The following PAPPA2 variants were observed in gnomAD, a reference collection of about 807,000 sequenced individuals.
PAPPA2 encodes pappalysin 2.
In PAPPA2, 86 loss-of-function variants were observed where a neutral mutation model predicts 176.4. That is an observed-to-expected ratio of 0.49 (90% CI 0.41 to 0.58). PAPPA2 has a LOEUF of 0.58. Ranked by LOEUF, PAPPA2 falls within the 20% of genes least tolerant of loss-of-function variation. The pLI, the probability that PAPPA2 is intolerant of heterozygous loss-of-function variation, is 0.00. For synonymous variants in PAPPA2, 809 were observed against 852.2 expected (o/e 0.95, Z 0.88); for missense variants, 2,073 against 2,256.9 (o/e 0.92, Z 1.65).
intron 3 of PAPPA2, among the ~76,000 whole-genome samples, chr1:176,612,294 T>C (rs1223504602): frequency 6.6e-6 from 1 of 152,078 alleles, no homozygotes; most frequent in Non-Finnish European, 1.5e-5. Context: ...CTTGGGTGGC[T>C]GAGGCATGAG....
intron 15 of PAPPA2, among the ~76,000 whole-genome samples, chr1:176,767,581 C>T (rs537236816): frequency 2.4e-4 from 37 of 152,270 alleles, no homozygotes; most frequent in African/African-American, 8.4e-4. Context: ...CTGCTGACCT[C>T]GTGATCCGCC....
chr1:176,527,558 A>G (rs1332567481), intron 1 of PAPPA2, among the ~76,000 whole-genome samples: 2 of 152,162 alleles, frequency 1.3e-5, no homozygotes, highest in African/African-American at 2.4e-5. Context: ...TGCTCACTGC[A>G]TATGTTTTGG....
intron 20 of PAPPA2, among the ~76,000 whole-genome samples, chr1:176,793,962 C>T (rs548300121): frequency 6.6e-5 from 10 of 152,128 alleles, no homozygotes; most frequent in Admixed American, 2.0e-4. Context: ...AGTGTGGTGG[C>T]GGGTGCCTGT....
chr1:176,599,192 T>TGTAC (rs1558463822), intron 3 of PAPPA2, among the ~76,000 whole-genome samples: 3 of 107,932 alleles, frequency 2.8e-5, no homozygotes, highest in Non-Finnish European at 6.5e-5. Context: ...TGTATGTACA[T>TGTAC]ATATATATAT....
intron 21 of PAPPA2, among the ~76,000 whole-genome samples, chr1:176,826,719 C>T (rs1011392256): frequency 2.0e-5 from 3 of 152,190 alleles, no homozygotes; most frequent in African/African-American, 7.2e-5. Flanking sequence ...TTTTTCAGGT[C>T]AACTGGACCT....
At chr1:176,603,897 C>G (rs759225902) in intron 3 of PAPPA2, among the ~76,000 whole-genome samples, 19 of 152,290 alleles carry the variant, frequency 1.2e-4, no homozygotes, top group South Asian at 2.1e-4. Context: ...TTCCTCTCCC[C>G]CTAATTCTCC....
At chr1:176,614,541 T>C (rs1249563208) in intron 3 of PAPPA2, among the ~76,000 whole-genome samples, 1 of 152,234 alleles carries the variant, frequency 6.6e-6, no homozygotes, top group African/African-American at 2.4e-5. Flanking sequence ...CTCAGATATC[T>C]AGAAACTTCA....
intron 1 of PAPPA2, among the ~76,000 whole-genome samples, chr1:176,476,614 T>C (rs189617467): frequency 4.5e-4 from 68 of 152,298 alleles, no homozygotes; most frequent in African/African-American, 1.6e-3. Context: ...TTGCTCTAGA[T>C]TGCCAAAATG....
chr1:176,656,778 C>G (rs1188446188), intron 3 of PAPPA2, among the ~76,000 whole-genome samples: 1 of 146,452 alleles, frequency 6.8e-6, no homozygotes, highest in Non-Finnish European at 1.5e-5. Context: ...CTCTCTCTCT[C>G]TCTTTCACAC....
chr1:176,721,482 C>T (rs115617307), intron 12 of PAPPA2, among the ~76,000 whole-genome samples: 2,412 of 152,268 alleles, frequency 0.016, 66 homozygotes, highest in African/African-American at 0.054. Flanking sequence ...TGAGTTCTTT[C>T]AGTTTTTGTG....
intron 1 of PAPPA2, among the ~76,000 whole-genome samples, chr1:176,492,091 A>T (rs577466479): frequency 7.9e-5 from 12 of 152,320 alleles, no homozygotes; most frequent in Admixed American, 6.5e-4. Context: ...GGAAACAGCA[A>T]GATGTGAGGA....
chr1:176,552,852 A>C (rs1032306549), intron 1 of PAPPA2, among the ~76,000 whole-genome samples: 1 of 151,908 alleles, frequency 6.6e-6, no homozygotes, highest in Admixed American at 6.6e-5. Context: ...AGGGGGAAAA[A>C]CCCTCTCCTT....
chr1:176,689,534 C>T (rs1169466374), intron 4 of PAPPA2, among the ~76,000 whole-genome samples: 1 of 152,128 alleles, frequency 6.6e-6, no homozygotes, highest in Non-Finnish European at 1.5e-5. Flanking sequence ...CTGTCATTTC[C>T]TTTAATGTGC....
chr1:176,605,057 A>G (rs1654535843), intron 3 of PAPPA2, among the ~76,000 whole-genome samples: 1 of 152,202 alleles, frequency 6.6e-6, no homozygotes, highest in Non-Finnish European at 1.5e-5. Context: ...AATGGCTTTA[A>G]GCCATTTTCT....
At chr1:176,654,323 G>A (rs1004750335) in intron 3 of PAPPA2, among the ~76,000 whole-genome samples, 9 of 151,410 alleles carry the variant, frequency 5.9e-5, no homozygotes, top group Middle Eastern at 3.4e-3. Flanking sequence ...TCATGTCCCC[G>A]GTGTATGTTC....
intron 7 of PAPPA2, among the ~76,000 whole-genome samples, chr1:176,697,928 C>A (rs1477302137): frequency 6.6e-6 from 1 of 152,014 alleles, no homozygotes; most frequent in African/African-American, 2.4e-5. Flanking sequence ...TGAATCAACT[C>A]ATAATAAATG....
intron 3 of PAPPA2, among the ~76,000 whole-genome samples, chr1:176,631,931 G>A (rs1261353771): frequency 6.6e-6 from 1 of 152,174 alleles, no homozygotes; most frequent in East Asian, 1.9e-4. Flanking sequence ...CTATTGCACA[G>A]GTGGAGGAGA....
intron 12 of PAPPA2, among the ~76,000 whole-genome samples, chr1:176,725,902 C>G (rs557701074): frequency 1.3e-5 from 2 of 152,290 alleles, no homozygotes; most frequent in South Asian, 4.1e-4. Context: ...GCCTCACTCT[C>G]CCTAGTAGCT....
intron 1 of PAPPA2, among the ~76,000 whole-genome samples, chr1:176,535,921 C>T: frequency 6.6e-6 from 1 of 152,222 alleles, no homozygotes; most frequent in Non-Finnish European, 1.5e-5. Context: ...ACATGTTCCA[C>T]TTTGTGCCTT....
Sources: gnomAD v4.1 joint callset for allele counts (sites outside exome capture counted in the v4.1 genomes callset) on GRCh38, gnomAD v4.1.1 for gene constraint, MANE v1.5 for transcripts, NCBI Gene and HGNC (gene_info 2026-07-23, HGNC 2026-07-21) for gene names.